The following SLC9A9 variants were observed in gnomAD, a reference collection of about 807,000 sequenced individuals.
SLC9A9 encodes the protein solute carrier family 9 member A9.
In SLC9A9, 62 loss-of-function variants were observed where a neutral mutation model predicts 77.8. That is an observed-to-expected ratio of 0.80 (90% CI 0.65 to 0.98). The LOEUF (loss-of-function observed/expected upper bound fraction) is 0.98. Among genes scored for constraint, SLC9A9 ranks in the 50% least tolerant of loss-of-function variants. The pLI is 0.00. For synonymous variants in SLC9A9, 320 were observed against 283.5 expected (o/e 1.13, Z -1.29); for missense variants, 775 against 774.9 (o/e 1.00, Z 0.00).
At chr3:143,788,688 CAAA>C (rs71140455) in intron 4 of SLC9A9, among the ~76,000 whole-genome samples, 9 of 89,886 alleles carry the variant, frequency 1.0e-4, no homozygotes, top group Non-Finnish European at 8.4e-5. Flanking sequence ...GAGACTCCAT[CAAA>C]AAAAAAAAAA....
At chr3:143,603,581 C>A (rs2037879198) in intron 6 of SLC9A9, among the ~76,000 whole-genome samples, 1 of 152,206 alleles carries the variant, frequency 6.6e-6, no homozygotes, top group Admixed American at 6.5e-5. Flanking sequence ...TATGAGCAAG[C>A]TTGGAAGTGG....
At chr3:143,812,878 A>G (rs1017491301) in intron 2 of SLC9A9, among the ~76,000 whole-genome samples, 1 of 152,244 alleles carries the variant, frequency 6.6e-6, no homozygotes, top group African/African-American at 2.4e-5. Flanking sequence ...ATAAACATTT[A>G]CTACATTAAG....
intron 4 of SLC9A9, among the ~76,000 whole-genome samples, chr3:143,752,565 A>G (rs989939456): frequency 6.6e-6 from 1 of 152,172 alleles, no homozygotes; most frequent in African/African-American, 2.4e-5. Flanking sequence ...AACTTAAAAT[A>G]ATGAGTGTAG....
chr3:143,606,436 C>CTCTATATA (rs1419410834), intron 6 of SLC9A9, among the ~76,000 whole-genome samples: 633 of 54,174 alleles, frequency 0.012, 15 homozygotes, highest in East Asian at 0.042. Flanking sequence ...CTCTCTCTCT[C>CTCTATATA]TATATATATA....
intron 5 of SLC9A9, among the ~76,000 whole-genome samples, chr3:143,655,821 G>A (rs1428089751): frequency 6.6e-6 from 1 of 152,134 alleles, no homozygotes; most frequent in African/African-American, 2.4e-5. Flanking sequence ...CAAATGGTAA[G>A]GGTCTTTGAG....
At chr3:143,566,087 C>T (rs765983290) in intron 8 of SLC9A9, among the ~76,000 whole-genome samples, 1 of 152,110 alleles carries the variant, frequency 6.6e-6, no homozygotes, top group Non-Finnish European at 1.5e-5. Context: ...AGCCAACTTA[C>T]TTACTCAGAC....
intron 9 of SLC9A9, among the ~76,000 whole-genome samples, chr3:143,547,818 T>TAA (rs1168322625): frequency 8.5e-5 from 13 of 152,242 alleles, no homozygotes; most frequent in Admixed American, 4.6e-4. Flanking sequence ...CTTCCCTGCT[T>TAA]TATTATTGGC....
intron 5 of SLC9A9, among the ~76,000 whole-genome samples, chr3:143,662,858 C>T (rs982534880): frequency 2.0e-5 from 3 of 152,158 alleles, no homozygotes; most frequent in African/African-American, 7.2e-5. Flanking sequence ...CCTCTGTAGA[C>T]TCCACCTCTG....
At chr3:143,716,197 C>G (rs1187110047) in intron 4 of SLC9A9, among the ~76,000 whole-genome samples, 1 of 152,112 alleles carries the variant, frequency 6.6e-6, no homozygotes, top group East Asian at 1.9e-4. Context: ...GCCTCAGCCT[C>G]CTGAGTAGCT....
intron 2 of SLC9A9, among the ~76,000 whole-genome samples, chr3:143,826,754 T>C (rs7621206): frequency 0.83 from 125,786 of 152,008 alleles, 55,341 homozygotes; most frequent in South Asian, 0.96. Flanking sequence ...TATCATGCTT[T>C]TCCTTCTGCA....
intron 14 of SLC9A9, among the ~76,000 whole-genome samples, chr3:143,319,421 A>C (rs1248508786): frequency 2.0e-5 from 3 of 152,180 alleles, no homozygotes; most frequent in Non-Finnish European, 4.4e-5. Flanking sequence ...TTAATTAGTG[A>C]ATGTCTGTCA....
intron 14 of SLC9A9, among the ~76,000 whole-genome samples, chr3:143,339,604 C>T (rs1260780947): frequency 6.6e-6 from 1 of 152,100 alleles, no homozygotes; most frequent in East Asian, 1.9e-4. Context: ...CCCTGATGTT[C>T]TTAAGGCTTC....
chr3:143,704,995 A>ATTCTC (rs1553782450), intron 4 of SLC9A9, among the ~76,000 whole-genome samples: 1 of 116,010 alleles, frequency 8.6e-6, no homozygotes, highest in Non-Finnish European at 1.9e-5. Flanking sequence ...TCCATCTCAA[A>ATTCTC]TATCTATCTA....
In SLC9A9 at chr3:143,526,998, G is replaced by C. The variant is rs543336119; in HGVS notation, c.1089+25364C>G. 2.6e-5 allele frequency among the ~76,000 whole-genome samples: 4 copies of C among 152,204 alleles called. No individual in the cohort carries two copies. In the East Asian group the frequency reaches 5.8e-4, roughly 22 times the overall value. The stretch of plus-strand genomic sequence containing the variant: ...CCGATCTGCCCTGTGAGAATGATTA[G>C]GTTTACTGGAGAGCTCTATTCTTAT... On this transcript the variant is annotated intron_variant, in intron 9 of 15. Transcript: ENST00000316549.
intron 4 of SLC9A9, among the ~76,000 whole-genome samples, chr3:143,787,418 T>C (rs751204101): frequency 3.9e-5 from 6 of 152,212 alleles, no homozygotes; most frequent in Non-Finnish European, 5.9e-5. Context: ...AATCATACCA[T>C]TGAATTTTGT....
At chr3:143,727,971 A>T (rs1934702328) in intron 4 of SLC9A9, among the ~76,000 whole-genome samples, 1 of 152,224 alleles carries the variant, frequency 6.6e-6, no homozygotes, top group Non-Finnish European at 1.5e-5. Context: ...AGTTATGGCT[A>T]GGCTTCCCCT....
At chr3:143,664,510 C>A (rs1052399648) in intron 5 of SLC9A9, among the ~76,000 whole-genome samples, 1 of 152,156 alleles carries the variant, frequency 6.6e-6, no homozygotes, top group Non-Finnish European at 1.5e-5. Flanking sequence ...GGGCTAAATG[C>A]TCCAATTAAA....
At chr3:143,378,493 A>C (rs1399070851) in intron 13 of SLC9A9, among the ~76,000 whole-genome samples, 1 of 152,244 alleles carries the variant, frequency 6.6e-6, no homozygotes, top group Non-Finnish European at 1.5e-5. Context: ...AGCAGTGTTA[A>C]GAATAATAGC....
Position 143,511,345 on chromosome 3 carries a change from G to A in SLC9A9, c.1090-15897C>T, listed in dbSNP as rs146956450. Among the ~76,000 whole-genome samples the A allele has an allele frequency of 3.0e-4, 45 of 152,318 alleles. No individual in the cohort carries two copies. In the East Asian group the frequency reaches 8.1e-3, roughly 27 times the overall value. On this transcript the variant is annotated intron_variant, in intron 9 of 15. Coordinates refer to ENST00000316549, the MANE Select transcript of SLC9A9 (RefSeq NM_173653.4). ...CTTGGCCTTTCCAGGTGTTCTCCTA[G>A]TTAATTATTACTTCTTCAGCTCCCA...
Sources: gnomAD v4.1 joint callset for allele counts (sites outside exome capture counted in the v4.1 genomes callset) on GRCh38, gnomAD v4.1.1 for gene constraint, MANE v1.5 for transcripts, NCBI Gene and HGNC (gene_info 2026-07-23, HGNC 2026-07-21) for gene names.